TMEM9B: variants seen among roughly 807,000 people sequenced by gnomAD.
The protein encoded by TMEM9B is TMEM9 domain family member B.
TMEM9B carries 8 observed loss-of-function variants against 23.5 expected under a neutral mutation model. The ratio of observed to expected loss-of-function variants is 0.34; its 90% confidence interval spans 0.20 to 0.61. The LOEUF (loss-of-function observed/expected upper bound fraction) is 0.61, where lower values mean the gene tolerates loss of function less well. Ranked by LOEUF, TMEM9B falls within the 20% of genes least tolerant of loss-of-function variation. The pLI is 0.78. For synonymous variants in TMEM9B, 106 were observed against 96.3 expected, an observed-to-expected ratio of 1.10 and a Z score of -0.59; for missense variants, 197 against 252.3, an observed-to-expected ratio of 0.78 and a Z score of 1.49.
chr11:8,960,124 TTTTC>T (rs1435677104), intron 2 of TMEM9B, among the ~76,000 whole-genome samples: 16 of 147,738 alleles, frequency 1.1e-4, no homozygotes, highest in African/African-American at 3.2e-4. Context: ...CAACTGTTTA[TTTTC>T]TTTGTTTCTG....
In TMEM9B at chr11:8,948,384, C is replaced by A. The variant is rs767671480; in HGVS notation, c.533G>T (p.Arg178Leu). The A allele has an allele frequency of 2.3e-5, 37 of 1,614,094 alleles. 1 individual carries two copies. In the Admixed American group the frequency reaches 5.3e-4, roughly 23 times the overall value. ...VLNKVEYAQQ[R>L]WKLQVQEQRK... ...CTGCTCTTGGACTTGAAGCTTCCAG[C>A]GCTGCTGTGCATATTCTACCTTGTT... is the stretch of plus-strand genomic sequence containing the variant. Residue 178 changes from arginine to leucine, a missense_variant, in exon 5 of 5, where the codon CGC (arginine) becomes CTC (leucine). Coordinates refer to ENST00000534025, the MANE Select transcript of TMEM9B (RefSeq NM_020644.3).
At chr11:8,964,181 G>A in intron 1 of TMEM9B, 28 bp downstream of exon 1, 1 of 1,552,442 alleles carries the variant, frequency 6.4e-7, no homozygotes, top group South Asian at 1.2e-5. Flanking sequence ...AGGAGCTTCC[G>A]TCAGGAGCGA....
Position 8,952,319 on chromosome 11 carries a change from C to T in TMEM9B, c.441+884G>A, listed in dbSNP as rs796495409. On this transcript the variant is annotated intron_variant, in intron 4 of 4. Transcript: ENST00000534025. ...TATATAAACATATATAATGTACACA[C>T]GTGTGTGTGTGTGTGTGTGAGAGAT... Among the ~76,000 whole-genome samples, 174 of 148,852 alleles carry T rather than the reference C, an allele frequency of 1.2e-3. 1 individual carries two copies. The East Asian group carries it at 0.029, about 24-fold the overall frequency.
rs1323721481 is a variant in TMEM9B, at chr11:8,948,239, A to C, written c.*81T>G. On this transcript the variant is annotated 3_prime_UTR_variant, in exon 5 of 5. Coordinates refer to ENST00000534025, the MANE Select transcript of TMEM9B (RefSeq NM_020644.3). ...AGTTGGTGAAATCAACAAGGTATTA[A>C]AATGAAACCCAGCAAAACCCAGTCA... is the stretch of plus-strand genomic sequence containing the variant. 6.7e-7 allele frequency: 1 copy of C among 1,503,192 alleles called. No homozygotes were observed. Among genetic ancestry groups the C allele is most frequent in the Non-Finnish European group, 8.9e-7 (1 of 1,118,674 alleles). The allele number at this position is 1,503,192 out of a possible 1,614,324, so 93.1% of individuals were successfully genotyped here.
chr11:8,952,253 C>T (rs1181898365), intron 4 of TMEM9B, among the ~76,000 whole-genome samples: 50 of 29,770 alleles, frequency 1.7e-3, no homozygotes, highest in Non-Finnish European at 3.4e-3. Context: ...ACTATATACA[C>T]ACACACACAC....
At chr11:8,962,426 T>C (rs567950577) in intron 1 of TMEM9B, among the ~76,000 whole-genome samples, 1 of 152,368 alleles carries the variant, frequency 6.6e-6, no homozygotes, top group Admixed American at 6.5e-5. Flanking sequence ...CTAAGACTTA[T>C]TAACCATATT....
chr11:8,950,992 TCTGC>T (rs1308994068), intron 4 of TMEM9B, among the ~76,000 whole-genome samples: 2 of 152,218 alleles, frequency 1.3e-5, no homozygotes, highest in Non-Finnish European at 2.9e-5. Flanking sequence ...AGAAAACCTC[TCTGC>T]CTAGAATCAG....
rs559578109 is a variant in TMEM9B, at chr11:8,957,327, A to G, written c.198-1029T>C. Among the ~76,000 whole-genome samples, 10 of 152,364 alleles carry G rather than the reference A, an allele frequency of 6.6e-5. No homozygotes were observed. The South Asian group carries it at 8.3e-4, about 13-fold the overall frequency. On this transcript the variant is annotated intron_variant, in intron 2 of 4. Coordinates refer to ENST00000534025, the MANE Select transcript of TMEM9B (RefSeq NM_020644.3). The surrounding 1 kb of genome is among the most constrained non-coding windows in gnomAD (Gnocchi z 4.3). Reference sequence around the variant, plus strand: ...TTATGGTTTGTGTAAACACAGTGCTATCAGATTTTTCCTAGAAATCTGTCA... The same window carrying G: ...TTATGGTTTGTGTAAACACAGTGCTGTCAGATTTTTCCTAGAAATCTGTCA...
At chr11:8,949,580 G>A (rs1853839123) in intron 4 of TMEM9B, among the ~76,000 whole-genome samples, 1 of 152,148 alleles carries the variant, frequency 6.6e-6, no homozygotes, top group Admixed American at 6.5e-5. Context: ...ATCCAGGGCA[G>A]GAGTCTGCAT....
chr11:8,958,951 C>T lies in TMEM9B; in HGVS notation c.198-2653G>A, dbSNP rs895144078. ...ATTTCCACTGATGGTATTTCAAATA[C>T]GGGTAAGGCCCCACAACTCTCACCA... On this transcript the variant is annotated intron_variant, in intron 2 of 4. Transcript: ENST00000534025. Among the ~76,000 whole-genome samples, 8 of 152,098 alleles carry T rather than the reference C, an allele frequency of 5.3e-5. No individual in the cohort carries two copies. In the East Asian group the frequency reaches 7.7e-4, roughly 15 times the overall value.
chr11:8,964,244 C>G lies in TMEM9B; in HGVS notation c.70G>C (p.Val24Leu). The part of the protein sequence containing the change: ...LLSLSCLALS[V>L]LLLAQLSDAA... The stretch of plus-strand genomic sequence containing the variant: ...TCTGACAGCTGCGCCAGCAGCAGCA[C>G]GGAAAGCGCCAGGCACGACAGGCTG... The change falls in exon 1 of 5, where the codon GTG becomes CTG. Residue 24 changes from valine (V) to leucine (L), a missense_variant. Transcript: ENST00000534025. 1 of 1,595,066 alleles carries G rather than the reference C, an allele frequency of 6.3e-7. No individual in the cohort carries two copies. The highest frequency in any genetic ancestry group is 1.1e-5 in the South Asian group (1 of 88,112).
At chr11:8,951,589 GA>G (rs34883104) in intron 4 of TMEM9B, among the ~76,000 whole-genome samples, 12 of 146,868 alleles carry the variant, frequency 8.2e-5, no homozygotes, top group Non-Finnish European at 1.3e-4. Context: ...GTCTCTACTA[GA>G]AAAAAAAAAT....
intron 3 of TMEM9B, among the ~76,000 whole-genome samples, chr11:8,954,651 A>G (rs1853941523): frequency 6.6e-6 from 1 of 152,220 alleles, no homozygotes; most frequent in South Asian, 2.1e-4. Context: ...ACTTATAGTG[A>G]GTGACTTTTA....
rs1201892375 is a variant in TMEM9B at position 8,957,518 on chromosome 11, A to C, written c.198-1220T>G. Among the ~76,000 whole-genome samples, 2 of 152,130 alleles carry C rather than the reference A, an allele frequency of 1.3e-5. No homozygotes were observed. Among genetic ancestry groups the C allele is most frequent in the African/African-American group, 2.4e-5 (1 of 41,422 alleles). On this transcript the variant is annotated intron_variant, in intron 2 of 4. Transcript: ENST00000534025. This position sits in a 1 kb window ranked among gnomAD's most constrained non-coding sequence, Gnocchi z 4.3. ...TTAGGCATTCCTGGCTGCCTCAAGC[A>C]CTCTACTACACCATCCTATCTTATC... is the stretch of plus-strand genomic sequence containing the variant.
intron 4 of TMEM9B, among the ~76,000 whole-genome samples, chr11:8,951,024 A>C (rs1853865572): frequency 6.6e-6 from 1 of 152,240 alleles, no homozygotes; most frequent in Non-Finnish European, 1.5e-5. Context: ...GACATCCAAG[A>C]GTCAGCCAGG....
At chr11:8,958,999 C>G (rs541509614) in intron 2 of TMEM9B, among the ~76,000 whole-genome samples, 2 of 152,260 alleles carry the variant, frequency 1.3e-5, no homozygotes, top group East Asian at 3.9e-4. Context: ...ATATCTGTTC[C>G]AAATATACAG....
chr11:8,960,497 A>G (rs1854056114), intron 2 of TMEM9B, among the ~76,000 whole-genome samples: 1 of 152,210 alleles, frequency 6.6e-6, no homozygotes, highest in Non-Finnish European at 1.5e-5. Flanking sequence ...TTAATGACAT[A>G]TGGTCCTGTC....
chr11:8,948,071 T>C lies in TMEM9B; in HGVS notation c.*249A>G, dbSNP rs1014824865. The C allele has an allele frequency of 2.9e-6, 1 of 345,428 alleles. No homozygotes were observed. Among genetic ancestry groups the C allele is most frequent in the Admixed American group, 4.4e-5 (1 of 22,672 alleles). 21.4% of individuals were successfully genotyped at this position (345,428 alleles called of 1,614,324 possible). ...TCAAGATAATTTACAGGCAGATTTA[T>C]TTTTATTAGTAAAAGTCACAAATAG... On this transcript the variant is annotated 3_prime_UTR_variant, in exon 5 of 5. Transcript: ENST00000534025.
Position 8,964,387 on chromosome 11 carries a change from A to G in TMEM9B, c.-74T>C, listed in dbSNP as rs1199140303. On this transcript the variant is annotated 5_prime_UTR_variant, in exon 1 of 5. Coordinates refer to ENST00000534025, the MANE Select transcript of TMEM9B (RefSeq NM_020644.3). The stretch of plus-strand genomic sequence containing the variant: ...CCGGCTCGGGCTCAGGCTCAGGCTC[A>G]GGCTCAGGCACAGGCTTGGGACCCG... The G allele has an allele frequency of 2.6e-6, 4 of 1,519,212 alleles. No individual in the cohort carries two copies. Among genetic ancestry groups the G allele is most frequent in the Non-Finnish European group, 3.5e-6 (4 of 1,135,802 alleles). The allele number at this position is 1,519,212 out of a possible 1,614,324, so 94.1% of individuals were successfully genotyped here.
Sources: gnomAD v4.1 joint callset for allele counts (sites outside exome capture counted in the v4.1 genomes callset) on GRCh38, gnomAD v4.1.1 for gene constraint, Gnocchi (gnomAD v3.1) non-coding constraint, MANE v1.5 for transcripts, NCBI Gene and HGNC (gene_info 2026-07-23, HGNC 2026-07-21) for gene names.